PTGER3: variants seen among roughly 807,000 people sequenced by gnomAD.
The protein encoded by PTGER3 is prostaglandin E2 receptor EP3 subtype.
PTGER3 carries 22 observed loss-of-function variants against 34.7 expected under a neutral mutation model. That is an observed-to-expected ratio of 0.63 (90% CI 0.45 to 0.91). PTGER3 has a LOEUF of 0.91. PTGER3 is among the 40% of genes least tolerant of loss of function. The probability of loss-of-function intolerance (pLI) is 0.00; values close to 1 mark genes in which losing one functional copy is unlikely to be tolerated. For synonymous variants in PTGER3, 241 were observed against 230.1 expected (o/e 1.05, Z -0.43); for missense variants, 468 against 519.4 (o/e 0.90, Z 0.96).
At chr1:70,912,521 A>G (rs2100398205) in intron 4 of PTGER3, among the ~76,000 whole-genome samples, 1 of 152,144 alleles carries the variant, frequency 6.6e-6, no homozygotes, top group African/African-American at 2.4e-5. Context: ...ATATACACAT[A>G]ACAGAAGGGG....
At chr1:70,947,518 GTATGT>G, downstream of PTGER3, 1 of 152,344 alleles carries the variant, frequency 6.6e-6, no homozygotes, top group East Asian at 1.9e-4. Context: ...TCTTGATTGG[GTATGT>G]CTTTTTCAGC....
chr1:70,864,393 C>T (rs1337324280), intron 4 of PTGER3, among the ~76,000 whole-genome samples: 1 of 152,208 alleles, frequency 6.6e-6, no homozygotes, highest in Non-Finnish European at 1.5e-5. Context: ...GCCTTGCACA[C>T]TGTTGACTAA....
In PTGER3 at chr1:71,047,697, G is replaced by T; in HGVS notation, c.-120C>A. ...CGGCTGGGGCTGGGCTGCCCCCCAT[G>T]GTGCGGGGCGCAGCCGCCGCCCTAC... On this transcript the variant is annotated 5_prime_UTR_variant, in exon 1 of 4. Coordinates refer to ENST00000306666, the MANE Select transcript of PTGER3 (RefSeq NM_198719.2). 1 of 1,185,054 alleles carries T rather than the reference G, an allele frequency of 8.4e-7. No homozygotes were observed. Among genetic ancestry groups the T allele is most frequent in the Non-Finnish European group, 1.1e-6 (1 of 892,182 alleles). The allele number at this position is 1,185,054 out of a possible 1,614,324, so 73.4% of individuals were successfully genotyped here. A position where few individuals can be genotyped will look rare whatever the true frequency, so the allele number is the denominator to read the frequency against.
At chr1:70,936,691 A>C (rs1355047977) in intron 4 of PTGER3, among the ~76,000 whole-genome samples, 1 of 152,202 alleles carries the variant, frequency 6.6e-6, no homozygotes. Flanking sequence ...AACACAAGAG[A>C]ACAAAGGTGG....
chr1:71,031,726 T>C (rs1659432084), intron 1 of PTGER3, among the ~76,000 whole-genome samples: 1 of 152,160 alleles, frequency 6.6e-6, no homozygotes, highest in South Asian at 2.1e-4. Context: ...CTGCCAGATT[T>C]CTCTGGACTC....
intron 4 of PTGER3, chr1:70,862,428 GCTGAAAAAGTC>G: frequency 1.8e-5 from 24 of 1,297,414 alleles, no homozygotes; most frequent in Non-Finnish European, 2.5e-5. Context: ...GAAATATTGT[GCTGAAAAAGTC>G]CTGCTTTCAC....
At chr1:70,881,925 T>C (rs562806718) in intron 4 of PTGER3, among the ~76,000 whole-genome samples, 1 of 152,354 alleles carries the variant, frequency 6.6e-6, no homozygotes, top group East Asian at 1.9e-4. Flanking sequence ...GTGGCCCATC[T>C]TGCTATGAGA....
intron 4 of PTGER3, among the ~76,000 whole-genome samples, chr1:70,943,852 G>A (rs1322208942): frequency 6.8e-6 from 1 of 147,324 alleles, no homozygotes; most frequent in African/African-American, 2.5e-5. Context: ...GAGAGGGAGA[G>A]AGAGAGAGAG....
intron 1 of PTGER3, among the ~76,000 whole-genome samples, chr1:71,045,132 C>A (rs927356907): frequency 7.2e-5 from 11 of 152,130 alleles, no homozygotes; most frequent in Non-Finnish European, 1.3e-4. Context: ...GACTTGTGGG[C>A]AGTTAGGTCT....
intron 2 of PTGER3, among the ~76,000 whole-genome samples, chr1:70,983,895 C>T (rs1294960054): frequency 1.1e-4 from 16 of 152,100 alleles, no homozygotes. Context: ...ACAGCCATAT[C>T]CCTGGAAGTA....
intron 4 of PTGER3, among the ~76,000 whole-genome samples, chr1:70,875,282 G>T (rs1446078477): frequency 1.3e-5 from 2 of 152,132 alleles, no homozygotes; most frequent in Non-Finnish European, 2.9e-5. Flanking sequence ...GGTTTGACAG[G>T]TTACTGTCCT....
intron 2 of PTGER3, among the ~76,000 whole-genome samples, chr1:70,977,882 A>C (rs1653864776): frequency 6.6e-6 from 1 of 152,132 alleles, no homozygotes; most frequent in Admixed American, 6.5e-5. Context: ...ATGCAGTCTC[A>C]GGTGCTCCTA....
At chr1:70,876,196 T>A (rs1255712137) in intron 4 of PTGER3, among the ~76,000 whole-genome samples, 1 of 152,142 alleles carries the variant, frequency 6.6e-6, no homozygotes, top group African/African-American at 2.4e-5. Context: ...TTAGTGATGT[T>A]GAACATTTTA....
chr1:71,027,798 G>A (rs1008483478), intron 1 of PTGER3, among the ~76,000 whole-genome samples: 7 of 152,010 alleles, frequency 4.6e-5, no homozygotes, highest in African/African-American at 1.7e-4. Context: ...TGTTACATCA[G>A]CATGTAGTGA....
chr1:70,933,611 G>T (rs546625813), intron 4 of PTGER3, among the ~76,000 whole-genome samples: 1 of 152,224 alleles, frequency 6.6e-6, no homozygotes, highest in South Asian at 2.1e-4. Flanking sequence ...ATAAACAGTT[G>T]CTGGGAACAT....
Position 70,890,468 on chromosome 1 carries a change from T to C in PTGER3, c.*24-37609A>G, listed in dbSNP as rs369188450. 9.8e-5 allele frequency among the ~76,000 whole-genome samples: 15 copies of C among 152,306 alleles called. No homozygotes were observed. The East Asian group carries it at 2.1e-3, about 22-fold the overall frequency. On this transcript the variant is annotated intron_variant, in intron 4 of 4. Coordinates refer to the PTGER3 transcript ENST00000370931. ...AAAAAAGTGGACATCAAAACAACTA[T>C]AATACAAAATACTGGTCCATTAACT... is the stretch of plus-strand genomic sequence containing the variant.
intron 1 of PTGER3, among the ~76,000 whole-genome samples, chr1:71,040,085 A>G (rs1031945522): frequency 1.6e-4 from 24 of 147,758 alleles, no homozygotes; most frequent in African/African-American, 6.1e-4. Flanking sequence ...GGGAGGGAAG[A>G]AAGAAAGAAA....
intron 4 of PTGER3, among the ~76,000 whole-genome samples, chr1:70,905,671 C>G (rs554114640): frequency 8.5e-4 from 129 of 152,216 alleles, no homozygotes; most frequent in Middle Eastern, 3.4e-3. Flanking sequence ...AACGCCTGTA[C>G]CCTCATTGTA....
chr1:70,883,070 C>T (rs372365468), intron 4 of PTGER3, among the ~76,000 whole-genome samples: 35 of 152,266 alleles, frequency 2.3e-4, no homozygotes, highest in African/African-American at 8.4e-4. Flanking sequence ...TACAGCAACC[C>T]TAAAAGTTAA....
Sources: gnomAD v4.1 joint callset for allele counts (sites outside exome capture counted in the v4.1 genomes callset) on GRCh38, gnomAD v4.1.1 for gene constraint, MANE v1.5 for transcripts, NCBI Gene and HGNC (gene_info 2026-07-23, HGNC 2026-07-21) for gene names.